Variants in BLOC1S5 observed in about 807,000 individuals in gnomAD.
BLOC1S5 encodes biogenesis of lysosome-related organelles complex 1 subunit 5.
BLOC1S5 carries 27 observed loss-of-function variants against 24.3 expected under a neutral mutation model. The ratio of observed to expected loss-of-function variants is 1.11; its 90% CI spans 0.82 to 1.53. BLOC1S5 has a LOEUF of 1.53. BLOC1S5 is among the 40% of genes most tolerant of loss of function. The probability of loss-of-function intolerance (pLI) is 0.00; values close to 1 mark genes in which losing one functional copy is unlikely to be tolerated. For synonymous variants in BLOC1S5, 84 were observed against 74.5 expected, an observed-to-expected ratio of 1.13 and a Z score of -0.66; for missense variants, 239 against 229.4, an observed-to-expected ratio of 1.04 and a Z score of -0.27.
intron 2 of BLOC1S5, among the ~76,000 whole-genome samples, chr6:8,050,381 C>T (rs1764065774): frequency 6.6e-6 from 1 of 152,132 alleles, no homozygotes; most frequent in African/African-American, 2.4e-5. Flanking sequence ...TTTCCCTCTC[C>T]TTGGGCCTCC....
At chr6:8,034,879 T>A (rs9505340) in intron 3 of BLOC1S5, among the ~76,000 whole-genome samples, 30,763 of 151,926 alleles carry the variant, frequency 0.2, 3,410 homozygotes, top group African/African-American at 0.28. Context: ...TGCAAAAATA[T>A]GGAACCAGCC....
intron 3 of BLOC1S5, among the ~76,000 whole-genome samples, chr6:8,033,253 C>T (rs982805072): frequency 6.6e-6 from 1 of 152,182 alleles, no homozygotes; most frequent in Non-Finnish European, 1.5e-5. Context: ...GTAACCAAAA[C>T]AGCATGGTAC....
rs1762686567 is a variant in BLOC1S5, at chr6:8,014,991, C to T, written c.*658G>A. ...GCTGAAAATAGTAAGTGCTGGAAGG[C>T]CACAAAACTTAACATGTGTCTTCCC... On this transcript the variant is annotated 3_prime_UTR_variant, in exon 5 of 5. Transcript: ENST00000397457. 1 of 152,684 alleles carries T rather than the reference C, an allele frequency of 6.5e-6. No homozygotes were observed. Among genetic ancestry groups the T allele is most frequent in the African/African-American group, 2.4e-5 (1 of 41,454 alleles). The allele number at this position is 152,684 out of a possible 1,614,324, so 9.5% of individuals were successfully genotyped here.
At chr6:8,056,820 C>T (rs567997145) in intron 2 of BLOC1S5, among the ~76,000 whole-genome samples, 1 of 152,324 alleles carries the variant, frequency 6.6e-6, no homozygotes, top group Non-Finnish European at 1.5e-5. Context: ...AAGAGAACTA[C>T]TTATTTAAAG....
At chr6:8,055,223 T>C (rs1315629404) in intron 2 of BLOC1S5, among the ~76,000 whole-genome samples, 1 of 152,146 alleles carries the variant, frequency 6.6e-6, no homozygotes, top group African/African-American at 2.4e-5. Context: ...CCTGAGGTCA[T>C]GAGTTTTTGA....
intron 4 of BLOC1S5, among the ~76,000 whole-genome samples, chr6:8,024,845 T>C (rs988508880): frequency 3.9e-5 from 6 of 152,366 alleles, no homozygotes; most frequent in East Asian, 1.9e-4. Flanking sequence ...ATAAGTAGAA[T>C]AGATCATTAG....
chr6:8,057,974 C>G (rs531573497), intron 2 of BLOC1S5, among the ~76,000 whole-genome samples: 85 of 152,256 alleles, frequency 5.6e-4, no homozygotes, highest in Non-Finnish European at 5.1e-4. Flanking sequence ...AACAATTACA[C>G]CATGATGACT....
chr6:8,053,091 C>T (rs1581431227), intron 2 of BLOC1S5, among the ~76,000 whole-genome samples: 1 of 151,892 alleles, frequency 6.6e-6, no homozygotes, highest in African/African-American at 2.4e-5. Flanking sequence ...AAGGAAGAGT[C>T]GCACAACTCC....
chr6:8,036,986 C>T (rs2113552512), intron 3 of BLOC1S5, among the ~76,000 whole-genome samples: 1 of 152,232 alleles, frequency 6.6e-6, no homozygotes, highest in Non-Finnish European at 1.5e-5. Context: ...ATAAAAAGAA[C>T]ATAGCTCAAA....
chr6:8,036,262 G>A (rs2744002), intron 3 of BLOC1S5, among the ~76,000 whole-genome samples: 93,478 of 151,794 alleles, frequency 0.62, 29,470 homozygotes, highest in East Asian at 0.94. Context: ...GCCTGTATCA[G>A]AAAAATAGAA....
intron 4 of BLOC1S5, among the ~76,000 whole-genome samples, chr6:8,022,745 C>A (rs542574162): frequency 7.2e-6 from 1 of 139,704 alleles, no homozygotes; most frequent in East Asian, 2.0e-4. Context: ...CCACTACGCC[C>A]GGCTAATTTT....
chr6:8,060,983 C>T (rs1561873162), intron 2 of BLOC1S5, among the ~76,000 whole-genome samples: 1 of 152,094 alleles, frequency 6.6e-6, no homozygotes, highest in East Asian at 1.9e-4. Flanking sequence ...TGCCACCATG[C>T]CCGGCTAATT....
rs768542379 is a variant in BLOC1S5 at position 8,026,390 on chromosome 6, G to T, written c.361C>A (p.Gln121Lys). ...AANDSVCRLQ[Q>K]REQERKKIHS... ...ACCTTTTTTCGTTCCTGTTCCCTCT[G>T]TTGGAGTCTACAGACTGAGTCATTA... The change falls in exon 4 of 5, where the codon CAG becomes AAG. Residue 121 changes from glutamine to lysine, a missense_variant. Gln to Lys is a moderately conservative substitution (Grantham distance 53). Coordinates refer to ENST00000397457, the MANE Select transcript of BLOC1S5 (RefSeq NM_201280.3). The T allele has an allele frequency of 2.5e-6, 4 of 1,613,092 alleles. No homozygotes were observed. Among genetic ancestry groups the T allele is most frequent in the Non-Finnish European group, 3.4e-6 (4 of 1,179,432 alleles).
At chr6:8,045,265 C>T (rs1342371355) in intron 2 of BLOC1S5, among the ~76,000 whole-genome samples, 3 of 152,236 alleles carry the variant, frequency 2.0e-5, no homozygotes, top group Non-Finnish European at 4.4e-5. Context: ...AATGTTGAGC[C>T]TGTGGTGCAC....
At chr6:8,028,633 T>A (rs1194292596) in intron 3 of BLOC1S5, among the ~76,000 whole-genome samples, 2 of 152,050 alleles carry the variant, frequency 1.3e-5, no homozygotes, top group East Asian at 3.8e-4. Flanking sequence ...TCAGAACACA[T>A]CTGACAAAGG....
At chr6:8,053,758 T>A (rs1253166854) in intron 2 of BLOC1S5, among the ~76,000 whole-genome samples, 1 of 152,186 alleles carries the variant, frequency 6.6e-6, no homozygotes, top group Admixed American at 6.5e-5. Context: ...TGATATAGAC[T>A]TTTCTTATTT....
chr6:8,027,665 C>T (rs1210708513), intron 3 of BLOC1S5, among the ~76,000 whole-genome samples: 1 of 152,072 alleles, frequency 6.6e-6, no homozygotes, highest in Non-Finnish European at 1.5e-5. Context: ...GAAACTCTGT[C>T]TCTACTAAAA....
At chr6:8,024,065 A>G (rs9379153) in intron 4 of BLOC1S5, among the ~76,000 whole-genome samples, 58,824 of 152,100 alleles carry the variant, frequency 0.39, 13,411 homozygotes, top group East Asian at 0.78. Flanking sequence ...AATTATCTTC[A>G]GAAAAGAAAA....
intron 3 of BLOC1S5, among the ~76,000 whole-genome samples, chr6:8,038,129 C>G (rs1763549411): frequency 2.6e-5 from 4 of 152,152 alleles, no homozygotes; most frequent in Admixed American, 2.6e-4. Context: ...AAAAGTAAGG[C>G]AACCAAAGCA....
Sources: allele counts gnomAD v4.1 joint callset (sites outside exome capture counted in the v4.1 genomes callset), GRCh38; gene constraint gnomAD v4.1.1; transcripts MANE v1.5; gene names NCBI Gene and HGNC (gene_info 2026-07-23, HGNC 2026-07-21).